Variants in LRRC19 observed in about 807,000 individuals in gnomAD.
The protein encoded by LRRC19 is leucine-rich repeat-containing protein 19.
LRRC19 carries 33 observed loss-of-function variants against 33.3 expected under a neutral mutation model. The ratio of observed to expected loss-of-function variants is 0.99; its 90% CI spans 0.75 to 1.33. The LOEUF (loss-of-function observed/expected upper bound fraction) is 1.33. Ranked by LOEUF, LRRC19 falls within the 40% of genes most tolerant of loss-of-function variation. LRRC19 has a pLI of 0.00. For missense variants in LRRC19, 463 were observed against 417.3 expected (o/e 1.11, Z -0.95); for synonymous variants, 184 against 152.3 (o/e 1.21, Z -1.53).
Position 26,996,459 on chromosome 9 carries a change from C to T in LRRC19, c.636G>A (p.Leu212=). The T allele has an allele frequency of 6.5e-7, 1 of 1,548,128 alleles. No homozygotes were observed. Among genetic ancestry groups the T allele is most frequent in the South Asian group, 1.3e-5 (1 of 79,458 alleles). The change falls in exon 4 of 5, where the codon CTG becomes CTA. Residue 212 remains leucine, a synonymous_variant. Transcript: ENST00000380055. ...NITMCSYPNS[L]QSYNIKTVPH... ...GTACTGTTTTGATATTGTAGCTCTG[C>T]AGGCTGTTGGGGTAGCTACACATGG...
Position 26,994,603 on chromosome 9 carries a change from T to C in LRRC19, c.*918A>G, listed in dbSNP as rs1225930870. On this transcript the variant is annotated 3_prime_UTR_variant, in exon 5 of 5. Coordinates refer to ENST00000380055, the MANE Select transcript of LRRC19 (RefSeq NM_022901.3). ...TTGTTTAAACTACTAGTTTTTCCTG[T>C]AGTAATTTGACCATGTACCTCCTTC... 6.6e-6 allele frequency: 1 copy of C among 152,252 alleles called. No individual in the cohort carries two copies. Among genetic ancestry groups the C allele is most frequent in the East Asian group, 1.9e-4 (1 of 5,178 alleles). 9.4% of individuals were successfully genotyped at this position (152,252 alleles called of 1,614,324 possible).
chr9:26,993,536 A>G lies in LRRC19; in HGVS notation c.*1985T>C, dbSNP rs1006872708. On this transcript the variant is annotated 3_prime_UTR_variant, in exon 5 of 5. Transcript: ENST00000380055. ...TAGTTTTTATTTTCTCTCAGTAGAC[A>G]TTTGTATTGAATTTACTAATTATGT... The G allele has an allele frequency of 3.9e-5, 6 of 152,532 alleles. No homozygotes were observed. The highest frequency in any genetic ancestry group is 1.4e-4 in the African/African-American group (6 of 41,450). The allele number at this position is 152,532 out of a possible 1,614,324, so 9.4% of individuals were successfully genotyped here.
intron 1 of LRRC19, 64 bp from the exon 2 acceptor site, chr9:26,999,767 A>C: frequency 2.2e-6 from 1 of 457,784 alleles, no homozygotes. Context: ...GAATCTGTTT[A>C]TTCTTTTTTT....
chr9:26,997,677 T>C, intron 3 of LRRC19, 51 bp downstream of exon 3: 2 of 1,522,886 alleles, frequency 1.3e-6, no homozygotes, highest in East Asian at 2.3e-5. Context: ...TTTTCTGTGG[T>C]GGAACATTGA....
At chr9:27,001,469 G>C (rs373282554) in intron 1 of LRRC19, among the ~76,000 whole-genome samples, 1 of 152,054 alleles carries the variant, frequency 6.6e-6, no homozygotes. Context: ...ACCAGCATCC[G>C]TTATTGCCTG....
chr9:26,997,726 A>G lies in LRRC19; in HGVS notation c.595+2T>C, dbSNP rs1563960509. The G allele has an allele frequency of 1.3e-6, 2 of 1,586,388 alleles. No individual in the cohort carries two copies. The highest frequency in any genetic ancestry group is 2.2e-5 in the East Asian group (1 of 44,662). Reference sequence around the variant, plus strand: ...TGGTTTTGCTTAATTATGATAGCTTACCTAATGTCACATTTGATGTGTTCA... The same window carrying G: ...TGGTTTTGCTTAATTATGATAGCTTGCCTAATGTCACATTTGATGTGTTCA... On this transcript the variant is annotated splice_donor_variant, in intron 3 of 4. Transcript: ENST00000380055. LOFTEE classifies it high-confidence loss of function.
intron 2 of LRRC19, among the ~76,000 whole-genome samples, chr9:26,998,565 T>C (rs1828297906): frequency 6.6e-6 from 1 of 152,200 alleles, no homozygotes; most frequent in Admixed American, 6.5e-5. Flanking sequence ...GTATGGTAAA[T>C]AATAATTCTG....
chr9:27,001,718 A>G (rs893143386), intron 1 of LRRC19, among the ~76,000 whole-genome samples: 9 of 152,088 alleles, frequency 5.9e-5, no homozygotes, highest in African/African-American at 2.2e-4. Context: ...TCTGATTATT[A>G]ACCCCTTTTT....
Position 26,995,394 on chromosome 9 carries a change from T to C in LRRC19, c.*127A>G, listed in dbSNP as rs1828089402. ...TAATGCAAAGAACATAATTTTATGA[T>C]ATTCATGTATGTTGTCATTAATATG... On this transcript the variant is annotated 3_prime_UTR_variant, in exon 5 of 5. Coordinates refer to ENST00000380055, the MANE Select transcript of LRRC19 (RefSeq NM_022901.3). 1 of 615,414 alleles carries C rather than the reference T, an allele frequency of 1.6e-6. No individual in the cohort carries two copies. Among genetic ancestry groups the C allele is most frequent in the South Asian group, 2.1e-5 (1 of 48,426 alleles). The allele number at this position is 615,414 out of a possible 1,614,324, so 38.1% of individuals were successfully genotyped here.
rs1328730585 is a variant in LRRC19, at chr9:26,994,793, G to C, written c.*728C>G. 5 of 152,544 alleles carry C rather than the reference G, an allele frequency of 3.3e-5. No individual in the cohort carries two copies. The highest frequency in any genetic ancestry group is 1.2e-4 in the African/African-American group (5 of 41,404). The allele number at this position is 152,544 out of a possible 1,614,324, so 9.4% of individuals were successfully genotyped here. On this transcript the variant is annotated 3_prime_UTR_variant, in exon 5 of 5. Coordinates refer to ENST00000380055, the MANE Select transcript of LRRC19 (RefSeq NM_022901.3). ...CCAATTTGAATAAAAATCTCCCAGAGAGAGGTGGAAATATGTATTTTTAAA... is the reference window on the plus strand; with the variant it reads ...CCAATTTGAATAAAAATCTCCCAGACAGAGGTGGAAATATGTATTTTTAAA...
Position 26,995,385 on chromosome 9 carries a change from A to G in LRRC19, c.*136T>C, listed in dbSNP as rs1370806492. On this transcript the variant is annotated 3_prime_UTR_variant, in exon 5 of 5. Transcript: ENST00000380055. ...TGCTCAATATAATGCAAAGAACATA[A>G]TTTTATGATATTCATGTATGTTGTC... is the stretch of plus-strand genomic sequence containing the variant. The G allele has an allele frequency of 6.6e-6, 4 of 605,936 alleles. No homozygotes were observed. The highest frequency in any genetic ancestry group is 2.1e-5 in the South Asian group (1 of 48,190). 37.5% of individuals were successfully genotyped at this position (605,936 alleles called of 1,614,324 possible).
intron 3 of LRRC19, among the ~76,000 whole-genome samples, chr9:26,996,915 A>G (rs1412012741): frequency 6.6e-6 from 1 of 152,170 alleles, no homozygotes; most frequent in Non-Finnish European, 1.5e-5. Context: ...CATGTATAGA[A>G]CATTTACATT....
At chr9:26,996,983 G>A (rs1180920982) in intron 3 of LRRC19, among the ~76,000 whole-genome samples, 1 of 152,110 alleles carries the variant, frequency 6.6e-6, no homozygotes, top group African/African-American at 2.4e-5. Flanking sequence ...GGCCGAGGCG[G>A]GTGGATCACC....
chr9:26,997,790 C>T lies in LRRC19; in HGVS notation c.533G>A (p.Trp178Ter), dbSNP rs367715921. 2 of 1,613,788 alleles carry T rather than the reference C, an allele frequency of 1.2e-6. No individual in the cohort carries two copies. The highest frequency in any genetic ancestry group is 1.3e-5 in the African/African-American group (1 of 74,930). The part of the protein sequence containing the change: ...LELITLYGNL[W>*]NCSCSLFNLQ... Reference sequence around the variant, plus strand: ...ATTAAATAGACTGCAAGAGCAGTTCCATAGGTTTCCATATAAAGTTATTAA... The same window carrying T: ...ATTAAATAGACTGCAAGAGCAGTTCTATAGGTTTCCATATAAAGTTATTAA... Residue 178 changes from tryptophan (W) to a stop codon, truncating the protein, a stop_gained, in exon 3 of 5, where the codon TGG becomes TAG. Transcript: ENST00000380055. LOFTEE classifies it high-confidence loss of function.
intron 1 of LRRC19, among the ~76,000 whole-genome samples, chr9:27,002,022 TC>T (rs1223023476): frequency 6.6e-6 from 1 of 152,046 alleles, no homozygotes; most frequent in Non-Finnish European, 1.5e-5. Flanking sequence ...TGGGGGGTCC[TC>T]AGGAAACTTA....
At chr9:27,002,704 T>A (rs1828565934) in intron 1 of LRRC19, among the ~76,000 whole-genome samples, 1 of 152,190 alleles carries the variant, frequency 6.6e-6, no homozygotes, top group South Asian at 2.1e-4. Flanking sequence ...TTGTAGAAAA[T>A]TTTGAAGTCA....
intron 1 of LRRC19, among the ~76,000 whole-genome samples, chr9:27,003,605 A>G (rs1427348218): frequency 6.6e-6 from 1 of 152,138 alleles, no homozygotes; most frequent in East Asian, 1.9e-4. Flanking sequence ...GCAATAAGGA[A>G]TTTACTGCTA....
chr9:26,997,734 T>C lies in LRRC19; in HGVS notation c.589A>G (p.Thr197Ala), dbSNP rs1200632615. The change falls in exon 3 of 5, where the codon ACA (threonine) becomes GCA (alanine). Residue 197 changes from threonine (T) to alanine (A), a missense_variant. By Grantham distance (58) the Thr-to-Ala change is moderately conservative. Transcript: ENST00000380055. ...CTTAATTATGATAGCTTACCTAATG[T>C]CACATTTGATGTGTTCAACCAGTTC... ...LQNWLNTSNV[T>A]LENENITMCS... 3 of 1,590,448 alleles carry C rather than the reference T, an allele frequency of 1.9e-6. No individual in the cohort carries two copies. In the African/African-American group the frequency reaches 4.1e-5, roughly 22 times the overall value.
At chr9:27,005,406 A>T (rs1289628192) in intron 1 of LRRC19, among the ~76,000 whole-genome samples, 186 bp downstream of exon 1, 2 of 115,564 alleles carry the variant, frequency 1.7e-5, no homozygotes, top group Admixed American at 1.3e-4. Flanking sequence ...AACTTTATTT[A>T]GGAAAGACCC....
Sources: allele counts gnomAD v4.1 joint callset (sites outside exome capture counted in the v4.1 genomes callset), GRCh38; gene constraint gnomAD v4.1.1; transcripts MANE v1.5; gene names NCBI Gene and HGNC (gene_info 2026-07-23, HGNC 2026-07-21).